TBC1D4: variants seen among roughly 807,000 people sequenced by gnomAD.
The protein encoded by TBC1D4 is TBC (Tre-2, BUB2, CDC16) domain-containing protein.
TBC1D4 carries 121 observed loss-of-function variants against 142.5 expected under a neutral mutation model. The observed-to-expected ratio is 0.85, with a 90% CI of 0.73 to 0.99. The LOEUF is 0.99. Ranked by LOEUF, TBC1D4 falls within the 50% of genes least tolerant of loss-of-function variation. TBC1D4 has a pLI of 0.00. For missense variants in TBC1D4, 1,475 were observed against 1,606.6 expected (o/e 0.92, Z 1.40); for synonymous variants, 630 against 628.2 (o/e 1.00, Z -0.04).
intron 1 of TBC1D4, 60 bp downstream of exon 1, chr13:75,481,210 C>CCCA: frequency 6.7e-7 from 1 of 1,488,014 alleles, no homozygotes; most frequent in African/African-American, 1.4e-5. Flanking sequence ...GCCCCTCCCG[C>CCCA]CCTGCTCCCC....
chr13:75,444,409 G>A (rs1887185927), intron 1 of TBC1D4, among the ~76,000 whole-genome samples: 1 of 152,176 alleles, frequency 6.6e-6, no homozygotes. Flanking sequence ...CTACAGGCTT[G>A]AGCCACCTTT....
At chr13:75,306,531 G>T in intron 14 of TBC1D4, 60 bp from the exon 15 acceptor site, 1 of 1,586,788 alleles carries the variant, frequency 6.3e-7, no homozygotes, top group Non-Finnish European at 8.6e-7. Context: ...AACTTTAGAC[G>T]TTTGATTGTA....
chr13:75,391,539 C>A (rs1884491696), intron 1 of TBC1D4, among the ~76,000 whole-genome samples: 1 of 152,216 alleles, frequency 6.6e-6, no homozygotes, highest in Non-Finnish European at 1.5e-5. Context: ...ACTTCTTTCA[C>A]TTGGCTACCA....
At chr13:75,424,266 C>T (rs1331837837) in intron 1 of TBC1D4, among the ~76,000 whole-genome samples, 1 of 109,804 alleles carries the variant, frequency 9.1e-6, no homozygotes, top group Non-Finnish European at 1.7e-5. Context: ...GAGTAAAACC[C>T]TGTCTTAAAA....
rs986873150 is a variant in TBC1D4 at position 75,420,961 on chromosome 13, T to C, written c.499-58354A>G. Among the ~76,000 whole-genome samples, 3 of 152,100 alleles carry C rather than the reference T, an allele frequency of 2.0e-5. No individual in the cohort carries two copies. The East Asian group carries it at 5.8e-4, about 29-fold the overall frequency. The stretch of plus-strand genomic sequence containing the variant: ...AAAAGGGGGAATTATTTAGGCAGAT[T>C]TACCCCCTGGTTCTCAAGAGCCCAA... On this transcript the variant is annotated intron_variant, in intron 1 of 20. Transcript: ENST00000377636.
At position 75,470,854 on chromosome 13, in the gene TBC1D4, G is replaced by A. The variant is rs114824628; in HGVS notation, c.498+10416C>T. Reference sequence around the variant, plus strand: ...ATACATAAACTAGCCAGGTGCGGTGGAGCGTGCCTGTAGTCCCAGATACTT... The same window carrying A: ...ATACATAAACTAGCCAGGTGCGGTGAAGCGTGCCTGTAGTCCCAGATACTT... On this transcript the variant is annotated intron_variant, in intron 1 of 20. Coordinates refer to ENST00000377636, the MANE Select transcript of TBC1D4 (RefSeq NM_014832.5). Among the ~76,000 whole-genome samples the A allele has an allele frequency of 5.4e-3, 816 of 152,150 alleles. 13 individuals carry two copies. Among genetic ancestry groups the A allele is most frequent in the African/African-American group, 0.019 (789 of 41,518 alleles).
At position 75,362,619 on chromosome 13, in the gene TBC1D4, A is replaced by G; in HGVS notation, c.499-12T>C. 3.1e-6 allele frequency: 5 copies of G among 1,613,578 alleles called. No individual in the cohort carries two copies. The highest frequency in any genetic ancestry group is 4.2e-6 in the Non-Finnish European group (5 of 1,179,852). On this transcript the variant is annotated splice_polypyrimidine_tract_variant and intron_variant, in intron 1 of 20. Coordinates refer to ENST00000377636, the MANE Select transcript of TBC1D4 (RefSeq NM_014832.5). This position sits in a 1 kb window ranked among gnomAD's most constrained non-coding sequence, Gnocchi z 4.2. ...ATAACATCAGGAACCTGGGGGAAAA[A>G]ATTAAAACCCTGATTCTAGTTGAAA...
intron 1 of TBC1D4, among the ~76,000 whole-genome samples, chr13:75,455,207 C>G (rs1190939620): frequency 6.6e-6 from 1 of 152,168 alleles, no homozygotes; most frequent in East Asian, 1.9e-4. Context: ...TCCACTGCCT[C>G]TGTAAAACAT....
chr13:75,481,195 T>TGCCCCCCCCCCCCCCCCCCCCCC, intron 1 of TBC1D4, 75 bp downstream of exon 1: 2 of 1,292,710 alleles, frequency 1.5e-6, no homozygotes, highest in Non-Finnish European at 2.1e-6. Flanking sequence ...TAAAGTGGGG[T>TGCCCCCCCCCCCCCCCCCCCCCC]CCCCGCCCCT....
At chr13:75,409,865 T>C (rs1885534268) in intron 1 of TBC1D4, among the ~76,000 whole-genome samples, 1 of 152,342 alleles carries the variant, frequency 6.6e-6, no homozygotes, top group African/African-American at 2.4e-5. Flanking sequence ...GATACTAGTG[T>C]TAATTTATAC....
intron 1 of TBC1D4, among the ~76,000 whole-genome samples, chr13:75,367,556 G>A (rs1022921241): frequency 6.6e-6 from 1 of 151,810 alleles, no homozygotes; most frequent in Non-Finnish European, 1.5e-5. Context: ...AAAACATTAG[G>A]GAACAAGTAA....
intron 1 of TBC1D4, 75 bp downstream of exon 1, chr13:75,481,195 T>TCCCCC: frequency 9.3e-6 from 12 of 1,292,710 alleles, no homozygotes; most frequent in South Asian, 1.3e-5. Context: ...TAAAGTGGGG[T>TCCCCC]CCCCGCCCCT....
chr13:75,313,953 A>C (rs1878036524), intron 12 of TBC1D4, among the ~76,000 whole-genome samples: 3 of 152,206 alleles, frequency 2.0e-5, no homozygotes, highest in Non-Finnish European at 4.4e-5. Flanking sequence ...AAATTAATTG[A>C]TTCTAGAATC....
At chr13:75,390,134 G>C (rs1192211230) in intron 1 of TBC1D4, among the ~76,000 whole-genome samples, 1 of 151,900 alleles carries the variant, frequency 6.6e-6, no homozygotes, top group Admixed American at 6.6e-5. Flanking sequence ...AAAAAAATTA[G>C]CTGGGCCTGG....
intron 1 of TBC1D4, among the ~76,000 whole-genome samples, chr13:75,475,802 T>C (rs1453900191): frequency 6.6e-6 from 1 of 152,218 alleles, no homozygotes; most frequent in Non-Finnish European, 1.5e-5. Flanking sequence ...AATCTGAAAT[T>C]AGGATATATG....
chr13:75,445,728 T>C, intron 1 of TBC1D4, among the ~76,000 whole-genome samples: 1 of 152,288 alleles, frequency 6.6e-6, no homozygotes, highest in East Asian at 1.9e-4. Context: ...ATAGAAAATG[T>C]TTCAAGTCTA....
At chr13:75,336,792 A>G in intron 8 of TBC1D4, 129 bp downstream of exon 8, 1 of 1,193,602 alleles carries the variant, frequency 8.4e-7, no homozygotes, top group Non-Finnish European at 1.2e-6. Context: ...AATAATTTTT[A>G]AAAGTTATCT....
chr13:75,425,923 T>C (rs1263772993), intron 1 of TBC1D4, among the ~76,000 whole-genome samples: 6 of 152,086 alleles, frequency 3.9e-5, no homozygotes, highest in Admixed American at 3.9e-4. Context: ...AATAACAATA[T>C]ATTATATACT....
At chr13:75,356,095 T>A in intron 4 of TBC1D4, 52 bp downstream of exon 4, 1 of 1,390,074 alleles carries the variant, frequency 7.2e-7, no homozygotes, top group Non-Finnish European at 1.0e-6. Context: ...ACAAGTCTTC[T>A]GTTCGACAGA....
Sources: allele counts gnomAD v4.1 joint callset (sites outside exome capture counted in the v4.1 genomes callset), GRCh38; gene constraint gnomAD v4.1.1; non-coding constraint Gnocchi (gnomAD v3.1); transcripts MANE v1.5; gene names NCBI Gene and HGNC (gene_info 2026-07-23, HGNC 2026-07-21).